TNNC2: variants seen among roughly 807,000 people sequenced by gnomAD.
The protein encoded by TNNC2 is troponin C2, fast skeletal type, also known as troponin C, skeletal muscle.
TNNC2 carries 14 observed loss-of-function variants against 20.0 expected under a neutral mutation model. The observed-to-expected ratio is 0.70, with a 90% CI of 0.46 to 1.09. The LOEUF (loss-of-function observed/expected upper bound fraction) is 1.09. TNNC2 is among the 50% of genes least tolerant of loss of function. TNNC2 has a pLI of 0.00. For synonymous variants in TNNC2, 81 were observed against 77.3 expected, an observed-to-expected ratio of 1.05 and a Z score of -0.25; for missense variants, 163 against 223.8, an observed-to-expected ratio of 0.73 and a Z score of 1.73.
upstream of TNNC2, among the ~76,000 whole-genome samples, chr20:45,828,763 C>T (rs566798210): frequency 1.3e-5 from 2 of 152,172 alleles, no homozygotes; most frequent in South Asian, 2.1e-4. Flanking sequence ...CCAAGACAAC[C>T]GATAGCAGGC....
chr20:45,827,535 G>A (rs540377070), upstream of TNNC2, among the ~76,000 whole-genome samples: 4 of 152,270 alleles, frequency 2.6e-5, no homozygotes, highest in South Asian at 4.2e-4. Flanking sequence ...TGTGAGGAAG[G>A]CCTGCCCTGT....
chr20:45,830,335 CAAAAA>C (rs781603612), upstream of TNNC2, among the ~76,000 whole-genome samples: 1 of 54,194 alleles, frequency 1.8e-5, no homozygotes, highest in Non-Finnish European at 4.1e-5. Context: ...GACTGCATCT[CAAAAA>C]AAAAAAAAAA....
At position 45,824,467 on chromosome 20, in the gene TNNC2, C is replaced by T. The variant is rs751150855; in HGVS notation, c.199+28G>A. ...AGCCGCTGCCGCCTCTCCCCACCAT[C>T]CCCTGCCTCCGAGGGACACCCGCTC... is the stretch of plus-strand genomic sequence containing the variant. On this transcript the variant is annotated intron_variant, in intron 3 of 5. Transcript: ENST00000372555. The T allele has an allele frequency of 4.3e-6, 7 of 1,612,628 alleles. No individual in the cohort carries two copies. In the East Asian group the frequency reaches 8.9e-5, roughly 21 times the overall value.
chr20:45,826,682 G>A (rs573292478), intron 1 of TNNC2, among the ~76,000 whole-genome samples: 2 of 152,302 alleles, frequency 1.3e-5, no homozygotes, highest in East Asian at 1.9e-4. Context: ...AGTGGGGAGG[G>A]GGATCTCAGA....
chr20:45,827,367 C>T (rs74174975), upstream of TNNC2: 2 of 1,352,934 alleles, frequency 1.5e-6, no homozygotes, highest in Admixed American at 1.9e-5. Flanking sequence ...CCTCCCACCT[C>T]CCTGCTCCCC....
intron 2 of TNNC2, 46 bp from the exon 3 acceptor site, chr20:45,824,684 A>C: frequency 6.2e-7 from 1 of 1,603,808 alleles, no homozygotes; most frequent in Admixed American, 1.7e-5. Flanking sequence ...CTGGACTGTC[A>C]GCCTCACACC....
chr20:45,823,926 G>A lies in TNNC2; in HGVS notation c.451+65C>T. On this transcript the variant is annotated intron_variant, in intron 5 of 5. Transcript: ENST00000372555. The surrounding 1 kb of genome is among the most constrained non-coding windows in gnomAD (Gnocchi z 4.6). Reference sequence around the variant, plus strand: ...GGCCAAGGACACTGCACCGGAGCCAGGCACCAGTGCCCGCCGTCCTCTGGG... The same window carrying A: ...GGCCAAGGACACTGCACCGGAGCCAAGCACCAGTGCCCGCCGTCCTCTGGG... 14 of 1,606,436 alleles carry A rather than the reference G, an allele frequency of 8.7e-6. No individual in the cohort carries two copies. The South Asian group carries it at 1.4e-4, about 17-fold the overall frequency.
chr20:45,827,845 C>T (rs940210134), upstream of TNNC2, among the ~76,000 whole-genome samples: 2 of 152,084 alleles, frequency 1.3e-5, no homozygotes, highest in South Asian at 2.1e-4. Context: ...GGGTACACAG[C>T]GTTGGTGCTT....
upstream of TNNC2, among the ~76,000 whole-genome samples, chr20:45,830,079 A>C: frequency 6.6e-6 from 1 of 151,794 alleles, no homozygotes; most frequent in East Asian, 2.0e-4. Flanking sequence ...TCATGCCTGT[A>C]ATCCCAGCAT....
chr20:45,827,716 G>C (rs528048656), upstream of TNNC2, among the ~76,000 whole-genome samples: 1 of 152,176 alleles, frequency 6.6e-6, no homozygotes, highest in Non-Finnish European at 1.5e-5. Flanking sequence ...ACCTTGGGCC[G>C]GTAGCAGTGC....
At chr20:45,825,637 G>A (rs1337126380) in intron 1 of TNNC2, among the ~76,000 whole-genome samples, 18 of 150,452 alleles carry the variant, frequency 1.2e-4, no homozygotes, top group Admixed American at 6.7e-4. Context: ...GTTTTGAGAC[G>A]GAGTTTTGCT....
At position 45,823,839 on chromosome 20, in the gene TNNC2, C is replaced by G. The variant is rs1645904303; in HGVS notation, c.451+152G>C. 7.6e-7 allele frequency: 1 copy of G among 1,322,206 alleles called. No individual in the cohort carries two copies. 81.9% of individuals were successfully genotyped at this position (1,322,206 alleles called of 1,614,324 possible). A position where few individuals can be genotyped will look rare whatever the true frequency, so the allele number is the denominator to read the frequency against. ...AACTGCACAGAGTCGTGGAGCGCTT[C>G]TATACCTGCCCCCAGGAGACTATGG... On this transcript the variant is annotated intron_variant, in intron 5 of 5. Transcript: ENST00000372555. The surrounding 1 kb of genome is among the most constrained non-coding windows in gnomAD (Gnocchi z 4.6).
chr20:45,825,335 A>T (rs989888684), intron 1 of TNNC2, among the ~76,000 whole-genome samples: 1 of 151,722 alleles, frequency 6.6e-6, no homozygotes, highest in Non-Finnish European at 1.5e-5. Context: ...CCTGTCGCCC[A>T]GGCTGGAGTG....
At chr20:45,826,729 G>A (rs903748294) in intron 1 of TNNC2, among the ~76,000 whole-genome samples, 3 of 152,204 alleles carry the variant, frequency 2.0e-5, no homozygotes, top group African/African-American at 7.2e-5. Flanking sequence ...CCCTCTCTAG[G>A]AGAGCGGAGT....
chr20:45,824,123 C>T lies in TNNC2; in HGVS notation c.319G>A (p.Ala107Thr). Residue 107 changes from alanine (A) to threonine (T), a missense_variant, in exon 5 of 6, where the codon GCA (alanine) becomes ACA (threonine). Physicochemically the swap from Ala to Thr is moderately conservative, Grantham distance 58. Coordinates refer to ENST00000372555, the MANE Select transcript of TNNC2 (RefSeq NM_003279.3). ...TCCTCCGGGTCGATGTAGCCGTCTG[C>T]ATTCCTTCAGGTCCGAGGGACAGGG... ...AECFRIFDRNADGYIDPEELA... is the reference protein window; with the variant it reads ...AECFRIFDRNTDGYIDPEELA... The T allele has an allele frequency of 6.2e-7, 1 of 1,613,914 alleles. No individual in the cohort carries two copies. Among genetic ancestry groups the T allele is most frequent in the Non-Finnish European group, 8.5e-7 (1 of 1,179,978 alleles).
chr20:45,824,025 G>T lies in TNNC2; in HGVS notation c.417C>A (p.Gly139=), dbSNP rs769543985. 5.9e-5 allele frequency: 95 copies of T among 1,613,944 alleles called. No individual in the cohort carries two copies. Among genetic ancestry groups the T allele is most frequent in the South Asian group, 1.1e-4 (10 of 91,088 alleles). Residue 139 remains glycine, a synonymous_variant, in exon 5 of 6, where the codon GGC becomes GGA. Coordinates refer to ENST00000372555, the MANE Select transcript of TNNC2 (RefSeq NM_003279.3). ...DEEIESLMKD[G]DKNNDGRIDF... ...CAATGCGGCCGTCGTTGTTCTTGTC[G>T]CCGTCTTTCATCAGAGATTCGATCT...
chr20:45,832,902 G>C (rs1858572599), intron 2 of TNNC2, among the ~76,000 whole-genome samples: 2 of 152,258 alleles, frequency 1.3e-5, no homozygotes, highest in South Asian at 4.1e-4. Flanking sequence ...ACCTCTGAGG[G>C]AGGCAGAGGC....
chr20:45,833,225 CTG>C (rs1983180008), intron 2 of TNNC2: 1 of 152,204 alleles, frequency 6.6e-6, no homozygotes, highest in Non-Finnish European at 1.5e-5. Context: ...CTCTGGCAAG[CTG>C]TGTGGTTAAG....
upstream of TNNC2, among the ~76,000 whole-genome samples, chr20:45,828,646 G>A (rs1983032667): frequency 6.6e-6 from 1 of 152,168 alleles, no homozygotes; most frequent in Non-Finnish European, 1.5e-5. Context: ...AAAGGGGTGG[G>A]CAGACCAAGT....
Sources: gnomAD v4.1 joint callset for allele counts (sites outside exome capture counted in the v4.1 genomes callset) on GRCh38, gnomAD v4.1.1 for gene constraint, Gnocchi (gnomAD v3.1) non-coding constraint, MANE v1.5 for transcripts, NCBI Gene and HGNC (gene_info 2026-07-23, HGNC 2026-07-21) for gene names.